MBNL1: variants seen among roughly 807,000 people sequenced by gnomAD.
The protein encoded by MBNL1 is muscleblind like splicing regulator 1, also known as muscleblind-like protein 1.
Under a neutral mutation model 42.2 loss-of-function variants are expected in MBNL1, and 8 were observed. The ratio of observed to expected loss-of-function variants is 0.19; its 90% CI spans 0.11 to 0.34. MBNL1 has a LOEUF of 0.34. Among genes scored for constraint, MBNL1 ranks in the 10% least tolerant of loss-of-function variants. The probability of loss-of-function intolerance (pLI) is 1.00; values close to 1 mark genes in which losing one functional copy is unlikely to be tolerated. For missense variants in MBNL1, 309 were observed against 495.3 expected (o/e 0.62, Z 3.57); for synonymous variants, 169 against 173.9 (o/e 0.97, Z 0.22).
chr3:152,376,414 T>C (rs1233118877), intron 2 of MBNL1, among the ~76,000 whole-genome samples: 6 of 152,224 alleles, frequency 3.9e-5, no homozygotes, highest in East Asian at 1.9e-4. Context: ...TACAGTGATA[T>C]AGTTTTCTCT....
chr3:152,309,000 G>A (rs1577543273), intron 2 of MBNL1, among the ~76,000 whole-genome samples: 1 of 152,060 alleles, frequency 6.6e-6, no homozygotes, highest in Admixed American at 6.5e-5. Flanking sequence ...TCAAGGAGCC[G>A]GTTACTAACA....
chr3:152,446,821 T>A (rs1463973091), intron 5 of MBNL1: 10 of 1,333,278 alleles, frequency 7.5e-6, no homozygotes, highest in African/African-American at 3.0e-5. Flanking sequence ...GTTTTTTTTT[T>A]AAATCAACTT....
At chr3:152,368,014 A>G (rs979763721) in intron 2 of MBNL1, among the ~76,000 whole-genome samples, 1 of 151,712 alleles carries the variant, frequency 6.6e-6, no homozygotes, top group Non-Finnish European at 1.5e-5. Context: ...TGCTATGCAG[A>G]AGCTTTTTAG....
intron 2 of MBNL1, among the ~76,000 whole-genome samples, chr3:152,373,936 G>T (rs73009957): frequency 0.1 from 15,406 of 152,218 alleles, 830 homozygotes; most frequent in Middle Eastern, 0.17. Flanking sequence ...CAGTGTTGAT[G>T]ATTTTCCTTA....
chr3:152,335,948 CTT>C (rs545347726), intron 2 of MBNL1, among the ~76,000 whole-genome samples: 3 of 152,104 alleles, frequency 2.0e-5, no homozygotes, highest in Non-Finnish European at 4.4e-5. Flanking sequence ...CTCAACTCTT[CTT>C]TTTTCATGAA....
intron 1 of MBNL1, among the ~76,000 whole-genome samples, chr3:152,295,587 C>T (rs1351966572): frequency 1.3e-5 from 2 of 152,184 alleles, no homozygotes; most frequent in Non-Finnish European, 2.9e-5. Context: ...ACTGGACCTA[C>T]ACCCTGTTGT....
intron 2 of MBNL1, among the ~76,000 whole-genome samples, chr3:152,305,881 G>A (rs935214901): frequency 6.6e-6 from 1 of 152,126 alleles, no homozygotes; most frequent in Non-Finnish European, 1.5e-5. Flanking sequence ...TCTACCTACA[G>A]CATCATCCCT....
rs147099291 is a variant in MBNL1 at position 152,355,559 on chromosome 3, T to C, written c.174+55192T>C. On this transcript the variant is annotated intron_variant, in intron 2 of 9. Transcript: ENST00000324210. Reference sequence around the variant, plus strand: ...AAGTGCATGTTATTTAAGTAACATTTAAGTTTTATAAGATCATGGAATTAA... The same window carrying C: ...AAGTGCATGTTATTTAAGTAACATTCAAGTTTTATAAGATCATGGAATTAA... Among the ~76,000 whole-genome samples the C allele has an allele frequency of 2.5e-4, 38 of 152,306 alleles. 1 individual carries two copies. Among genetic ancestry groups the C allele is most frequent in the African/African-American group, 8.9e-4 (37 of 41,570 alleles).
At chr3:152,273,491 G>A (rs1424045868) in intron 1 of MBNL1, among the ~76,000 whole-genome samples, 1 of 152,152 alleles carries the variant, frequency 6.6e-6, no homozygotes, top group Non-Finnish European at 1.5e-5. Flanking sequence ...ATATGTGCCT[G>A]TGAAATCTGT....
intron 2 of MBNL1, chr3:152,335,243 G>A: frequency 7.8e-7 from 1 of 1,289,778 alleles, no homozygotes; most frequent in Non-Finnish European, 1.0e-6. Flanking sequence ...GAGTGAATAA[G>A]GCAATTGGGG....
At chr3:152,346,731 C>G (rs1382) in intron 2 of MBNL1, among the ~76,000 whole-genome samples, 47,708 of 151,844 alleles carry the variant, frequency 0.31, 7,845 homozygotes, top group East Asian at 0.53. Flanking sequence ...ACAGCATTCT[C>G]AATTTAAAAC....
At chr3:152,351,929 T>C (rs2095045980) in intron 2 of MBNL1, among the ~76,000 whole-genome samples, 1 of 152,228 alleles carries the variant, frequency 6.6e-6, no homozygotes, top group African/African-American at 2.4e-5. Flanking sequence ...CCAGCATTGC[T>C]CTAAGCATAT....
intron 1 of MBNL1, among the ~76,000 whole-genome samples, chr3:152,272,600 G>T (rs2149878104): frequency 6.6e-6 from 1 of 151,742 alleles, no homozygotes; most frequent in Non-Finnish European, 1.5e-5. Context: ...CATATCCAAA[G>T]TCCTGAGCAA....
intron 1 of MBNL1, among the ~76,000 whole-genome samples, chr3:152,288,684 A>G (rs933531939): frequency 1.3e-5 from 2 of 152,128 alleles, no homozygotes; most frequent in Non-Finnish European, 2.9e-5. Flanking sequence ...TTTGTTAATA[A>G]GAAAATAACA....
chr3:152,451,498 A>T (rs1722923023), intron 6 of MBNL1, among the ~76,000 whole-genome samples: 1 of 151,736 alleles, frequency 6.6e-6, no homozygotes, highest in African/African-American at 2.4e-5. Context: ...CCATTTATCT[A>T]TCCACCCATC....
chr3:152,314,524 T>G (rs190817057), intron 2 of MBNL1, among the ~76,000 whole-genome samples: 46 of 152,184 alleles, frequency 3.0e-4, no homozygotes, highest in African/African-American at 1.1e-3. Context: ...TACAGGCATG[T>G]GCTACCACGC....
chr3:152,424,798 C>T (rs1384913766), intron 3 of MBNL1, among the ~76,000 whole-genome samples: 1 of 152,156 alleles, frequency 6.6e-6, no homozygotes, highest in Non-Finnish European at 1.5e-5. Flanking sequence ...TGATCTTTGA[C>T]AAACCTGACA....
At chr3:152,249,582 G>A (rs1429292136) in intron 2 of MBNL1, among the ~76,000 whole-genome samples, 1 of 146,392 alleles carries the variant, frequency 6.8e-6, no homozygotes, top group Admixed American at 6.9e-5. Context: ...TGTTCACTCT[G>A]ATGGTAGTTT....
At position 152,363,851 on chromosome 3, in the gene MBNL1, G is replaced by T. The variant is rs115942912; in HGVS notation, c.175-51090G>T. Among the ~76,000 whole-genome samples the T allele has an allele frequency of 5.1e-3, 778 of 151,972 alleles. 7 individuals carry two copies. Among genetic ancestry groups the T allele is most frequent in the African/African-American group, 0.018 (748 of 41,442 alleles). ...CAACAAGCACCTTCAAATATACCAC[G>T]TAGTTTTTTTAATGAAAAAATATCA... On this transcript the variant is annotated intron_variant, in intron 2 of 9. Transcript: ENST00000324210.
Sources: allele counts gnomAD v4.1 joint callset (sites outside exome capture counted in the v4.1 genomes callset), GRCh38; gene constraint gnomAD v4.1.1; transcripts MANE v1.5; gene names NCBI Gene and HGNC (gene_info 2026-07-23, HGNC 2026-07-21).